TACR2: variants seen among roughly 807,000 people sequenced by gnomAD.
TACR2 encodes the protein tachykinin receptor 2, also known as substance-K receptor.
In TACR2, 24 loss-of-function variants were observed where a neutral mutation model predicts 28.9. The observed-to-expected ratio is 0.83, with a 90% CI of 0.60 to 1.17. The LOEUF (loss-of-function observed/expected upper bound fraction) is 1.17. TACR2 is among the 50% of genes most tolerant of loss of function. The pLI is 0.00. For missense variants in TACR2, 487 were observed against 524.4 expected (o/e 0.93, Z 0.70); for synonymous variants, 222 against 212.6 (o/e 1.04, Z -0.38).
chr10:69,409,921 A>ATACATATATATATATG (rs1840553171), intron 2 of TACR2, among the ~76,000 whole-genome samples: 1 of 87,056 alleles, frequency 1.1e-5, no homozygotes, highest in East Asian at 3.1e-4. Context: ...ATATATATAT[A>ATACATATATATATATG]TATATATATA....
At position 69,408,913 on chromosome 10, in the gene TACR2, C is replaced by G. The variant is rs1250579556; in HGVS notation, c.741+9G>C. 1.5e-6 allele frequency: 2 copies of G among 1,370,714 alleles called. No individual in the cohort carries two copies. Among genetic ancestry groups the G allele is most frequent in the Non-Finnish European group, 1.9e-6 (2 of 1,051,642 alleles). 84.9% of individuals were successfully genotyped at this position (1,370,714 alleles called of 1,614,324 possible). A position where few individuals can be genotyped will look rare whatever the true frequency, so the allele number is the denominator to read the frequency against. On this transcript the variant is annotated intron_variant, in intron 3 of 4. Coordinates refer to ENST00000373306, the MANE Select transcript of TACR2 (RefSeq NM_001057.3). ...CCCGCCCCCTCCAGGCCCCCGCCCCCGCGCCCACCTTCTTCATGGCCTGCA... is the reference window on the plus strand; with the variant it reads ...CCCGCCCCCTCCAGGCCCCCGCCCCGGCGCCCACCTTCTTCATGGCCTGCA...
intron 2 of TACR2, among the ~76,000 whole-genome samples, chr10:69,414,003 G>T (rs1476841541): frequency 6.6e-6 from 1 of 152,164 alleles, no homozygotes; most frequent in African/African-American, 2.4e-5. Context: ...GCATCCTCCG[G>T]CCACGTGGGA....
chr10:69,416,151 A>T lies in TACR2; in HGVS notation c.173T>A (p.Ile58Asn), dbSNP rs199837427. ...TGTGCGCATCCTCCGATGGGCCAGG[A>T]TGATCCAGATGACGATGGCATTACC... ...VTGNAIVIWIILAHRRMRTVT... is the reference protein window; with the variant it reads ...VTGNAIVIWINLAHRRMRTVT... The change falls in exon 1 of 5, where the codon ATC becomes AAC. Residue 58 changes from isoleucine to asparagine, a missense_variant. Physicochemically the swap from Ile to Asn is moderately radical, Grantham distance 149 (BLOSUM62 -3). Transcript: ENST00000373306. The T allele has an allele frequency of 3.1e-5, 50 of 1,614,214 alleles. No homozygotes were observed. In the Admixed American group the frequency reaches 6.2e-4, roughly 20 times the overall value.
chr10:69,411,014 C>T lies in TACR2; in HGVS notation c.588-1939G>A, dbSNP rs117613994. ...TTGACAAACTGGATTTGTTCTGCCT[C>T]CTTCTTTGGGTCTGGGCTCCTTTGG... On this transcript the variant is annotated intron_variant, in intron 2 of 4. Coordinates refer to ENST00000373306, the MANE Select transcript of TACR2 (RefSeq NM_001057.3). Among the ~76,000 whole-genome samples, 72 of 152,300 alleles carry T rather than the reference C, an allele frequency of 4.7e-4. 1 individual carries two copies. The East Asian group carries it at 0.014, about 29-fold the overall frequency.
intron 2 of TACR2, among the ~76,000 whole-genome samples, chr10:69,409,904 CATATATATATAT>C (rs10663894): frequency 1.4e-4 from 5 of 34,676 alleles, no homozygotes; most frequent in East Asian, 7.5e-4. Context: ...TATATATATA[CATATATATATAT>C]ATATATATAT....
At chr10:69,415,904 C>A in intron 1 of TACR2, 28 bp downstream of exon 1, 1 of 1,604,572 alleles carries the variant, frequency 6.2e-7, no homozygotes, top group South Asian at 1.1e-5. Context: ...GGGGAGGCTC[C>A]CCCCAGCTTC....
chr10:69,410,752 C>A (rs1015528098), intron 2 of TACR2, among the ~76,000 whole-genome samples: 1 of 152,126 alleles, frequency 6.6e-6, no homozygotes, highest in Non-Finnish European at 1.5e-5. Context: ...ATTTACTGCC[C>A]CTAGTGTAAG....
At chr10:69,408,284 C>G (rs966598455) in intron 3 of TACR2, among the ~76,000 whole-genome samples, 1 of 152,202 alleles carries the variant, frequency 6.6e-6, no homozygotes, top group Non-Finnish European at 1.5e-5. Flanking sequence ...TGAGGGCTCT[C>G]CTGTGACTGT....
intron 1 of TACR2, among the ~76,000 whole-genome samples, 187 bp downstream of exon 1, chr10:69,415,745 T>C (rs963165121): frequency 6.6e-6 from 1 of 152,194 alleles, no homozygotes; most frequent in Non-Finnish European, 1.5e-5. Flanking sequence ...TAACCCTCAG[T>C]CTACCTTCTT....
chr10:69,407,924 C>T (rs937217646), intron 3 of TACR2, among the ~76,000 whole-genome samples: 1 of 152,210 alleles, frequency 6.6e-6, no homozygotes, highest in Non-Finnish European at 1.5e-5. Flanking sequence ...CAGATGGAGG[C>T]CAGTGCTCCA....
chr10:69,409,137 C>A (rs1840537624), intron 2 of TACR2, 62 bp from the exon 3 acceptor site: 1 of 1,426,304 alleles, frequency 7.0e-7, no homozygotes, highest in South Asian at 1.5e-5. Flanking sequence ...AGTCTGCCAG[C>A]GCCTGGTCCT....
intron 1 of TACR2, 149 bp downstream of exon 1, chr10:69,415,783 A>G: frequency 1.1e-6 from 1 of 941,094 alleles, no homozygotes; most frequent in Non-Finnish European, 1.6e-6. Context: ...TGCCTTCCAG[A>G]TTCATAGTTT....
At chr10:69,408,155 A>T (rs985437595) in intron 3 of TACR2, among the ~76,000 whole-genome samples, 20 of 152,046 alleles carry the variant, frequency 1.3e-4, no homozygotes, top group Middle Eastern at 3.4e-3. Flanking sequence ...CCTTCGGGGG[A>T]CCCTGGATGG....
intron 2 of TACR2, among the ~76,000 whole-genome samples, chr10:69,414,313 A>G (rs950591822): frequency 1.3e-5 from 2 of 152,144 alleles, no homozygotes; most frequent in Non-Finnish European, 2.9e-5. Flanking sequence ...GCCTGAGCAT[A>G]TAGAGAGTCT....
chr10:69,405,051 G>A lies in TACR2; in HGVS notation c.972C>T (p.Cys324=), dbSNP rs199897254. Reference sequence around the variant, plus strand: ...CCTTGGTGGGTGTGACCCATGGGCAGCAGCGGAAGGCAAGCCGGAATCCAG... The same window carrying A: ...CCTTGGTGGGTGTGACCCATGGGCAACAGCGGAAGGCAAGCCGGAATCCAG... ...FRSGFRLAFR[C]CPWVTPTKED... The change falls in exon 5 of 5, where the codon TGC becomes TGT. Residue 324 remains cysteine (C), a synonymous_variant. Coordinates refer to ENST00000373306, the MANE Select transcript of TACR2 (RefSeq NM_001057.3). The A allele has an allele frequency of 3.1e-6, 5 of 1,613,726 alleles. No homozygotes were observed. The highest frequency in any genetic ancestry group is 4.2e-6 in the Non-Finnish European group (5 of 1,179,826).
rs200013426 is a variant in TACR2 at position 69,414,996 on chromosome 10, G to T, written c.536C>A (p.Thr179Asn). Residue 179 changes from threonine to asparagine, a missense_variant, in exon 2 of 5, where the codon ACC (threonine) becomes AAC (asparagine). Transcript: ENST00000373306. Reference protein sequence around the residue: ...YSTVTMDQGATKCVVAWPEDS... With the variant: ...YSTVTMDQGANKCVVAWPEDS... ...TTCGGGCCAGGCCACCACGCACTTG[G>T]TGGCACCCTGGTCCATGGTGACGGT... 3 of 1,613,826 alleles carry T rather than the reference G, an allele frequency of 1.9e-6. No individual in the cohort carries two copies. The highest frequency in any genetic ancestry group is 1.1e-5 in the South Asian group (1 of 91,080).
Position 69,416,121 on chromosome 10 carries a change from G to A in TACR2, c.203C>T (p.Thr68Ile), listed in dbSNP as rs779483941. The A allele has an allele frequency of 3.1e-6, 5 of 1,614,234 alleles. No homozygotes were observed. The South Asian group carries it at 4.4e-5, about 14-fold the overall frequency. The change falls in exon 1 of 5, where the codon ACC becomes ATC. Residue 68 changes from threonine (T) to isoleucine (I), a missense_variant. Coordinates refer to ENST00000373306, the MANE Select transcript of TACR2 (RefSeq NM_001057.3). ...CGCCAGATTGACGATGAAGTAGTTG[G>A]TGACTGTGCGCATCCTCCGATGGGC... ...ILAHRRMRTV[T>I]NYFIVNLALA...
At position 69,413,919 on chromosome 10, in the gene TACR2, C is replaced by T. The variant is rs189819399; in HGVS notation, c.587+1026G>A. On this transcript the variant is annotated intron_variant, in intron 2 of 4. Transcript: ENST00000373306. ...AGGTACACTATCTCATTTATGCTCA[C>T]AGAGCGAGGTACTATTATGAATCCT... Among the ~76,000 whole-genome samples, 13 of 152,314 alleles carry T rather than the reference C, an allele frequency of 8.5e-5. No individual in the cohort carries two copies. The East Asian group carries it at 2.3e-3, about 27-fold the overall frequency.
Position 69,409,925 on chromosome 10 carries a change from A to ACATATATATATATATATG in TACR2, c.588-851_588-850insCATATATATATATATATG, listed in dbSNP as rs1840553859. Among the ~76,000 whole-genome samples the ACATATATATATATATATG allele has an allele frequency of 4.0e-5, 3 of 74,692 alleles. No individual in the cohort carries two copies. The East Asian group carries it at 1.0e-3, about 25-fold the overall frequency. The allele number at this position is 74,692 out of a possible 152,430, so 49.0% of individuals were successfully genotyped here. Reference sequence around the variant, plus strand: ...TATACATATATATATATATATATATATATATATATATATATATAATCTGTA... The same window carrying ACATATATATATATATATG: ...TATACATATATATATATATATATATACATATATATATATATATGTATATATATATATATATAATCTGTA... On this transcript the variant is annotated intron_variant, in intron 2 of 4. Coordinates refer to ENST00000373306, the MANE Select transcript of TACR2 (RefSeq NM_001057.3).
Sources: gnomAD v4.1 joint callset for allele counts (sites outside exome capture counted in the v4.1 genomes callset) on GRCh38, gnomAD v4.1.1 for gene constraint, MANE v1.5 for transcripts, NCBI Gene and HGNC (gene_info 2026-07-23, HGNC 2026-07-21) for gene names.